The following ADGRF5 variants were observed in gnomAD, a reference collection of about 807,000 sequenced individuals.
The protein encoded by ADGRF5 is adhesion G protein-coupled receptor F5.
ADGRF5 carries 75 observed loss-of-function variants against 132.3 expected under a neutral mutation model. The ratio of observed to expected loss-of-function variants is 0.57; its 90% confidence interval spans 0.47 to 0.69. The LOEUF (loss-of-function observed/expected upper bound fraction) is 0.69. Among genes scored for constraint, ADGRF5 ranks in the 30% least tolerant of loss-of-function variants. ADGRF5 has a pLI of 0.00. For missense variants in ADGRF5, 1,516 were observed against 1,630.6 expected (o/e 0.93, Z 1.21); for synonymous variants, 629 against 597.6 (o/e 1.05, Z -0.77).
At chr6:46,915,877 C>T (rs564368058) in intron 1 of ADGRF5, among the ~76,000 whole-genome samples, 2 of 152,236 alleles carry the variant, frequency 1.3e-5, no homozygotes, top group South Asian at 2.1e-4. Context: ...TGCCCCAGTC[C>T]TCACTCTCCC....
rs540136940 is a variant in ADGRF5, at chr6:46,890,024, G to A, written c.158-1519C>T. ...ATCTTGGCTAGAATATATAACTGAAGCCATGGCCACAGTTAATACTTAATA... is the reference window on the plus strand; with the variant it reads ...ATCTTGGCTAGAATATATAACTGAAACCATGGCCACAGTTAATACTTAATA... On this transcript the variant is annotated intron_variant, in intron 3 of 20. Transcript: ENST00000283296. 3.3e-5 allele frequency among the ~76,000 whole-genome samples: 5 copies of A among 152,126 alleles called. No individual in the cohort carries two copies. In the East Asian group the frequency reaches 9.7e-4, roughly 30 times the overall value.
At chr6:46,937,596 T>C (rs1170026478) in intron 1 of ADGRF5, among the ~76,000 whole-genome samples, 1 of 152,198 alleles carries the variant, frequency 6.6e-6, no homozygotes, top group African/African-American at 2.4e-5. Context: ...ATATACCATT[T>C]TTTATATGCA....
In ADGRF5 at chr6:46,952,223, C is replaced by T. The variant is rs720280; in HGVS notation, c.-25+2511G>A. ...ACTTCAAGCTTTAAGCTCTCGAGGC[C>T]TTTACTTGGATGTGCCAGCATTTGT... On this transcript the variant is annotated intron_variant, in intron 1 of 20. Transcript: ENST00000265417. 7.3e-3 allele frequency among the ~76,000 whole-genome samples: 1,105 copies of T among 152,298 alleles called. 43 individuals are homozygous for T. In the South Asian group the frequency reaches 0.089, roughly 12 times the overall value.
At chr6:46,877,294 TCTC>T (rs1771860711) in intron 10 of ADGRF5, among the ~76,000 whole-genome samples, 1 of 60,818 alleles carries the variant, frequency 1.6e-5, no homozygotes, top group Non-Finnish European at 4.3e-5. Context: ...TTTCTTTCTC[TCTC>T]TCTCTCTCTT....
In ADGRF5 at chr6:46,934,751, A is replaced by C. The variant is rs75654539; in HGVS notation, c.-25+19983T>G. Reference sequence around the variant, plus strand: ...ACCCTTAGAAACTTACTCTTGGAACAAACATATGTAGCTGAGTTCCTCTGT... The same window carrying C: ...ACCCTTAGAAACTTACTCTTGGAACCAACATATGTAGCTGAGTTCCTCTGT... On this transcript the variant is annotated intron_variant, in intron 1 of 20. Transcript: ENST00000265417. Among the ~76,000 whole-genome samples, 758 of 152,316 alleles carry C rather than the reference A, an allele frequency of 5.0e-3. 4 individuals are homozygous for C. Among genetic ancestry groups the C allele is most frequent in the Non-Finnish European group, 7.4e-3 (502 of 68,020 alleles).
At chr6:46,918,526 C>A (rs561046002) in intron 1 of ADGRF5, among the ~76,000 whole-genome samples, 1 of 152,272 alleles carries the variant, frequency 6.6e-6, no homozygotes, top group East Asian at 1.9e-4. Context: ...GATTGGGACA[C>A]AACATGGCAA....
intron 17 of ADGRF5, among the ~76,000 whole-genome samples, chr6:46,857,710 G>T (rs1483304875): frequency 2.0e-5 from 3 of 152,168 alleles, no homozygotes; most frequent in African/African-American, 7.2e-5. Context: ...TCATTCAAAT[G>T]ATTATTGAGA....
rs78782368 is a variant in ADGRF5, at chr6:46,881,931, C to T, written c.671+118G>A. On this transcript the variant is annotated intron_variant, in intron 7 of 20. Transcript: ENST00000283296. ...GGGTGAGGTACTTTTTTCACCTCTA[C>T]CAAACTGCTCCTGCTGAGGATTCCA... 37 of 821,870 alleles carry T rather than the reference C, an allele frequency of 4.5e-5. No homozygotes were observed. The African/African-American group carries it at 5.9e-4, about 13-fold the overall frequency. 50.9% of individuals were successfully genotyped at this position (821,870 alleles called of 1,614,324 possible).
chr6:46,888,364 G>C lies in ADGRF5; in HGVS notation c.299C>G (p.Thr100Ser), dbSNP rs1459840590. The C allele has an allele frequency of 5.6e-6, 9 of 1,610,844 alleles. No individual in the cohort carries two copies. Among genetic ancestry groups the C allele is most frequent in the Non-Finnish European group, 7.6e-6 (9 of 1,177,162 alleles). Residue 100 changes from threonine to serine, a missense_variant, in exon 4 of 21, where the codon ACC (threonine) becomes AGC (serine). Thr to Ser is a moderately conservative substitution (Grantham distance 58). Transcript: ENST00000283296. ...TGTCACATTTATGCTCAAAATGTCG[G>C]TAATTTGGTCAGTGTTATTCCCATG... ...PIHGNNTDQI[T>S]DILSINVTTV...
chr6:46,892,078 G>T (rs1366486919), intron 3 of ADGRF5, among the ~76,000 whole-genome samples: 2 of 151,526 alleles, frequency 1.3e-5, no homozygotes, highest in East Asian at 3.9e-4. Flanking sequence ...CAGGCTGTTG[G>T]CTTACTCTCG....
At chr6:46,879,071 G>T (rs995600976) in intron 9 of ADGRF5, among the ~76,000 whole-genome samples, 2 of 152,052 alleles carry the variant, frequency 1.3e-5, no homozygotes, top group Admixed American at 6.6e-5. Context: ...AGGTGCACGT[G>T]TGTCAAGACT....
At chr6:46,916,248 G>A (rs1776406953) in intron 1 of ADGRF5, among the ~76,000 whole-genome samples, 1 of 152,102 alleles carries the variant, frequency 6.6e-6, no homozygotes, top group African/African-American at 2.4e-5. Context: ...TCCTCTCTTT[G>A]CTACATATTA....
At chr6:46,874,662 T>C (rs1771441882) in intron 10 of ADGRF5, among the ~76,000 whole-genome samples, 1 of 152,190 alleles carries the variant, frequency 6.6e-6, no homozygotes, top group Admixed American at 6.5e-5. Flanking sequence ...AGTAAATCCA[T>C]ACTCCTTGGA....
At position 46,866,956 on chromosome 6, in the gene ADGRF5, AGTAACTTT is replaced by A; in HGVS notation, c.1795_1802del (p.Lys599PhefsTer15). Reference sequence around the variant, plus strand: ...GAAGGGATGAGGAACCCGTATGGAAAGTAACTTTGTAGTCTCCATCCTCCTCTATGCAG... The same window carrying A: ...GAAGGGATGAGGAACCCGTATGGAAAGTAGTCTCCATCCTCCTCTATGCAG... On this transcript the variant is annotated frameshift_variant, in exon 13 of 21. Transcript: ENST00000283296. LOFTEE classifies it high-confidence loss of function. 1.9e-6 allele frequency: 3 copies of A among 1,612,986 alleles called. No individual in the cohort carries two copies. The highest frequency in any genetic ancestry group is 2.5e-6 in the Non-Finnish European group (3 of 1,178,942).
At chr6:46,861,809 G>A (rs1176221419) in intron 15 of ADGRF5, among the ~76,000 whole-genome samples, 2 of 152,216 alleles carry the variant, frequency 1.3e-5, no homozygotes, top group Non-Finnish European at 2.9e-5. Context: ...CATTGAAAAT[G>A]TATGTAGGTA....
chr6:46,873,527 C>T (rs1028514113), intron 10 of ADGRF5, among the ~76,000 whole-genome samples: 5 of 152,092 alleles, frequency 3.3e-5, no homozygotes, highest in African/African-American at 1.2e-4. Context: ...TTCTCCTCAT[C>T]CCTCCTTCTG....
chr6:46,869,275 T>C (rs1370372011), intron 11 of ADGRF5, 183 bp from the exon 12 acceptor site: 2 of 1,436,832 alleles, frequency 1.4e-6, no homozygotes, highest in African/African-American at 2.9e-5. Flanking sequence ...TACTCGTTTC[T>C]AGGCTGTTCC....
intron 1 of ADGRF5, among the ~76,000 whole-genome samples, chr6:46,917,573 T>C (rs978567437): frequency 2.0e-5 from 3 of 152,184 alleles, no homozygotes; most frequent in African/African-American, 7.2e-5. Flanking sequence ...GGGTTAACAA[T>C]CATGTTTATA....
chr6:46,893,392 G>A (rs896216434), intron 3 of ADGRF5, among the ~76,000 whole-genome samples: 5 of 152,074 alleles, frequency 3.3e-5, no homozygotes, highest in Non-Finnish European at 7.4e-5. Flanking sequence ...ATGCACCGAG[G>A]TGACAGGATC....
Sources: gnomAD v4.1 joint callset for allele counts (sites outside exome capture counted in the v4.1 genomes callset) on GRCh38, gnomAD v4.1.1 for gene constraint, MANE v1.5 for transcripts, NCBI Gene and HGNC (gene_info 2026-07-23, HGNC 2026-07-21) for gene names.